The following LSAMP variants were observed in gnomAD, a reference collection of about 807,000 sequenced individuals.
LSAMP encodes the protein limbic system-associated membrane protein.
Under a neutral mutation model 38.6 loss-of-function variants are expected in LSAMP, and 7 were observed. The observed-to-expected ratio is 0.18, with a 90% CI of 0.10 to 0.34. The LOEUF (loss-of-function observed/expected upper bound fraction) is 0.34, where lower values mean the gene tolerates loss of function less well. Among genes scored for constraint, LSAMP ranks in the 10% least tolerant of loss-of-function variants. The pLI, the probability that LSAMP is intolerant of heterozygous loss-of-function variation, is 1.00. For synonymous variants in LSAMP, 154 were observed against 166.8 expected, an observed-to-expected ratio of 0.92 and a Z score of 0.59; for missense variants, 313 against 420.0, an observed-to-expected ratio of 0.75 and a Z score of 2.23.
intron 3 of LSAMP, among the ~76,000 whole-genome samples, chr3:115,963,239 C>A (rs553749885): frequency 2.0e-5 from 3 of 152,142 alleles, no homozygotes; most frequent in East Asian, 1.9e-4. Context: ...CATAATTAAT[C>A]CAAATGATTG....
At chr3:116,158,980 G>A (rs974977846) in intron 1 of LSAMP, among the ~76,000 whole-genome samples, 1 of 151,928 alleles carries the variant, frequency 6.6e-6, no homozygotes, top group Non-Finnish European at 1.5e-5. Flanking sequence ...TGTGATCTTC[G>A]ACAAAGTCAA....
chr3:116,036,910 G>A (rs1182602717), intron 2 of LSAMP, among the ~76,000 whole-genome samples: 7 of 152,126 alleles, frequency 4.6e-5, no homozygotes, highest in Admixed American at 6.6e-5. Flanking sequence ...AAATAGCATA[G>A]CTGCTGGAAT....
intron 1 of LSAMP, among the ~76,000 whole-genome samples, chr3:116,340,501 C>T (rs2047978048): frequency 1.3e-5 from 2 of 151,962 alleles, no homozygotes; most frequent in Non-Finnish European, 2.9e-5. Flanking sequence ...TCCTTCCCAA[C>T]ATATTCCTTA....
chr3:115,879,138 G>A (rs140696297), intron 3 of LSAMP, among the ~76,000 whole-genome samples: 10 of 152,210 alleles, frequency 6.6e-5, no homozygotes, highest in African/African-American at 2.2e-4. Context: ...GGCTTACAGA[G>A]GACAAATTTT....
At chr3:116,065,976 A>G (rs1210586210) in intron 2 of LSAMP, among the ~76,000 whole-genome samples, 2 of 152,256 alleles carry the variant, frequency 1.3e-5, no homozygotes, top group Non-Finnish European at 2.9e-5. Flanking sequence ...ATAGATAATG[A>G]ATATGAGTGT....
chr3:116,207,059 C>G (rs1244547998), intron 1 of LSAMP, among the ~76,000 whole-genome samples: 3 of 151,734 alleles, frequency 2.0e-5, no homozygotes, highest in Non-Finnish European at 4.4e-5. Flanking sequence ...GTAGGTCACT[C>G]AGGACTTGCT....
At chr3:116,434,442 A>AT (rs1366163595) in intron 1 of LSAMP, among the ~76,000 whole-genome samples, 2 of 152,228 alleles carry the variant, frequency 1.3e-5, no homozygotes, top group Non-Finnish European at 2.9e-5. Flanking sequence ...TGGTGATAAT[A>AT]AACAGGATAC....
intron 1 of LSAMP, among the ~76,000 whole-genome samples, chr3:116,409,521 C>T (rs1260166864): frequency 6.6e-6 from 1 of 151,980 alleles, no homozygotes; most frequent in African/African-American, 2.4e-5. Context: ...GTAGAATCTG[C>T]CCCCTGCAAT....
At chr3:116,355,035 A>G (rs1396170962) in intron 1 of LSAMP, among the ~76,000 whole-genome samples, 6 of 152,194 alleles carry the variant, frequency 3.9e-5, no homozygotes, top group South Asian at 2.1e-4. Flanking sequence ...CAGTGATTCA[A>G]ATAAGTAGCT....
chr3:116,378,751 G>T (rs1349699752), intron 1 of LSAMP, among the ~76,000 whole-genome samples: 1 of 151,914 alleles, frequency 6.6e-6, no homozygotes, highest in Non-Finnish European at 1.5e-5. Flanking sequence ...AAGTAAGGTT[G>T]ACATAAGAAA....
chr3:116,191,364 A>G (rs1238741061), intron 1 of LSAMP, among the ~76,000 whole-genome samples: 2 of 152,174 alleles, frequency 1.3e-5, no homozygotes, highest in Admixed American at 6.5e-5. Context: ...AAGTGGTCCA[A>G]GGGGCAAACA....
intron 6 of LSAMP, among the ~76,000 whole-genome samples, chr3:115,812,948 C>G (rs1280529363): frequency 1.3e-5 from 2 of 151,960 alleles, no homozygotes; most frequent in Non-Finnish European, 2.9e-5. Flanking sequence ...ATATATGAAC[C>G]TAGATAAACA....
chr3:116,338,554 T>A (rs79535800), intron 1 of LSAMP, among the ~76,000 whole-genome samples: 2,537 of 152,146 alleles, frequency 0.017, 36 homozygotes, highest in Non-Finnish European at 0.029. Context: ...TTTATTCTTT[T>A]ATTTTCAATT....
intron 1 of LSAMP, among the ~76,000 whole-genome samples, chr3:116,199,237 T>G (rs1381479037): frequency 6.6e-6 from 1 of 152,064 alleles, no homozygotes; most frequent in Non-Finnish European, 1.5e-5. Context: ...TAGGAAAGCT[T>G]AGTCAACACC....
intron 3 of LSAMP, among the ~76,000 whole-genome samples, chr3:115,923,737 C>T (rs1006831083): frequency 6.6e-6 from 1 of 151,968 alleles, no homozygotes; most frequent in Non-Finnish European, 1.5e-5. Context: ...ATGACTTTTC[C>T]TTCCTTTTTT....
chr3:116,191,555 C>T (rs1268772941), intron 1 of LSAMP, among the ~76,000 whole-genome samples: 3 of 151,962 alleles, frequency 2.0e-5, no homozygotes, highest in African/African-American at 7.3e-5. Flanking sequence ...CTGAGGATTC[C>T]AGTCAACTTT....
At chr3:116,107,852 A>G (rs574449520) in intron 1 of LSAMP, among the ~76,000 whole-genome samples, 1 of 152,226 alleles carries the variant, frequency 6.6e-6, no homozygotes, top group Admixed American at 6.5e-5. Flanking sequence ...AGGATAGGAG[A>G]GTATATGGGT....
chr3:116,035,348 C>G (rs1941023573), intron 2 of LSAMP, among the ~76,000 whole-genome samples: 1 of 152,118 alleles, frequency 6.6e-6, no homozygotes, highest in Admixed American at 6.5e-5. Flanking sequence ...TTGTTTGACT[C>G]AAAGTACACC....
chr3:116,387,426 G>A (rs945883418), intron 1 of LSAMP, among the ~76,000 whole-genome samples: 4 of 152,182 alleles, frequency 2.6e-5, no homozygotes, highest in African/African-American at 9.7e-5. Flanking sequence ...TTCAGTAAAT[G>A]TTAGTTGACA....
Sources: allele counts gnomAD v4.1 joint callset (sites outside exome capture counted in the v4.1 genomes callset), GRCh38; gene constraint gnomAD v4.1.1; transcripts MANE v1.5; gene names NCBI Gene and HGNC (gene_info 2026-07-23, HGNC 2026-07-21).